HECW1: variants seen among roughly 807,000 people sequenced by gnomAD.
HECW1 encodes the protein E3 ubiquitin-protein ligase HECW1.
A neutral mutation model predicts 182.3 loss-of-function variants in HECW1; 61 were observed. The ratio of observed to expected loss-of-function variants is 0.33; its 90% CI spans 0.27 to 0.41. The LOEUF is 0.41. HECW1 is among the 10% of genes least tolerant of loss of function. The pLI, the probability that HECW1 is intolerant of heterozygous loss-of-function variation, is 1.00. For synonymous variants in HECW1, 859 were observed against 832.6 expected (o/e 1.03, Z -0.55); for missense variants, 1,739 against 2,108.9 (o/e 0.82, Z 3.44).
intron 29 of HECW1, among the ~76,000 whole-genome samples, chr7:43,556,460 G>A (rs2082025142): frequency 6.6e-6 from 1 of 152,190 alleles, no homozygotes; most frequent in African/African-American, 2.4e-5. Flanking sequence ...GCTAAGGCAG[G>A]CGGATAGCTT....
chr7:43,113,859 C>T (rs766965769), intron 1 of HECW1: 129 of 234,354 alleles, frequency 5.5e-4, no homozygotes, highest in Non-Finnish European at 8.7e-4. Flanking sequence ...TTTTCAGAGC[C>T]ATGATGCGCG....
At chr7:43,301,217 C>T (rs1055958371) in intron 3 of HECW1, among the ~76,000 whole-genome samples, 1 of 152,236 alleles carries the variant, frequency 6.6e-6, no homozygotes, top group African/African-American at 2.4e-5. Context: ...CTAAGAGGAG[C>T]TCTGCTGAAT....
intron 19 of HECW1, among the ~76,000 whole-genome samples, chr7:43,500,245 A>C (rs544861170): frequency 6.6e-6 from 1 of 152,166 alleles, no homozygotes; most frequent in South Asian, 2.1e-4. Context: ...GATTACAGGC[A>C]GGCAACACCA....
At chr7:43,321,925 C>T (rs1276676995) in intron 5 of HECW1, among the ~76,000 whole-genome samples, 1 of 152,200 alleles carries the variant, frequency 6.6e-6, no homozygotes, top group Admixed American at 6.5e-5. Flanking sequence ...ACACCAATAG[C>T]TCTTTCTTGT....
Position 43,479,745 on chromosome 7 carries a change from G to A in HECW1, c.3234+1G>A. The A allele has an allele frequency of 6.2e-7, 1 of 1,613,742 alleles. No individual in the cohort carries two copies. Among genetic ancestry groups the A allele is most frequent in the Non-Finnish European group, 8.5e-7 (1 of 1,179,846 alleles). On this transcript the variant is annotated splice_donor_variant, in intron 17 of 29. Coordinates refer to ENST00000395891, the MANE Select transcript of HECW1 (RefSeq NM_015052.5). LOFTEE classifies it high-confidence loss of function. Reference sequence around the variant, plus strand: ...GCTCCGAAGTTACAGCGCTGGAGAGGTAACCCTCCCTACACCCCGCCCTAC... The same window carrying A: ...GCTCCGAAGTTACAGCGCTGGAGAGATAACCCTCCCTACACCCCGCCCTAC...
intron 17 of HECW1, among the ~76,000 whole-genome samples, chr7:43,486,482 T>C (rs1397490696): frequency 6.6e-6 from 1 of 152,200 alleles, no homozygotes; most frequent in East Asian, 1.9e-4. Context: ...TTTGTATCTT[T>C]AGTAGAGACG....
At chr7:43,185,697 A>G (rs1260294229) in intron 2 of HECW1, among the ~76,000 whole-genome samples, 2 of 152,192 alleles carry the variant, frequency 1.3e-5, no homozygotes, top group Non-Finnish European at 2.9e-5. Flanking sequence ...TCTATATTTA[A>G]TAGTAGAATT....
intron 3 of HECW1, among the ~76,000 whole-genome samples, chr7:43,281,781 G>A (rs1293360750): frequency 2.9e-5 from 3 of 103,630 alleles, no homozygotes; most frequent in Non-Finnish European, 5.4e-5. Context: ...CTAGTCTCTT[G>A]TATTCCTGGC....
intron 16 of HECW1, among the ~76,000 whole-genome samples, chr7:43,471,486 CA>C (rs1229645820): frequency 2.0e-5 from 3 of 152,202 alleles, no homozygotes; most frequent in Non-Finnish European, 4.4e-5. Context: ...AAGGGATGGG[CA>C]GAGCTGTTTG....
chr7:43,356,981 A>C (rs1815227778), intron 5 of HECW1, among the ~76,000 whole-genome samples: 1 of 152,180 alleles, frequency 6.6e-6, no homozygotes, highest in Non-Finnish European at 1.5e-5. Flanking sequence ...CAACAGATGC[A>C]TGAAAAAAAT....
At chr7:43,266,678 A>T (rs1049393934) in intron 3 of HECW1, among the ~76,000 whole-genome samples, 1 of 152,332 alleles carries the variant, frequency 6.6e-6, no homozygotes, top group Non-Finnish European at 1.5e-5. Flanking sequence ...CTAGGAACAA[A>T]TAAAGACCAA....
chr7:43,330,722 C>G (rs1188515972), intron 5 of HECW1, among the ~76,000 whole-genome samples: 2 of 152,262 alleles, frequency 1.3e-5, no homozygotes, highest in African/African-American at 4.8e-5. Flanking sequence ...AGACTGTAGG[C>G]TGAAAGGTAT....
At chr7:43,411,633 C>T (rs1278618611) in intron 8 of HECW1, among the ~76,000 whole-genome samples, 2 of 152,110 alleles carry the variant, frequency 1.3e-5, no homozygotes, top group Non-Finnish European at 2.9e-5. Context: ...ATTCTGTCAA[C>T]TTTTGTTTCA....
intron 6 of HECW1, among the ~76,000 whole-genome samples, chr7:43,380,687 C>T (rs566599592): frequency 5.3e-5 from 8 of 152,058 alleles, no homozygotes; most frequent in Admixed American, 3.9e-4. Context: ...CCACCACACT[C>T]GGGTAATTTT....
chr7:43,113,184 C>T (rs1784768642), intron 1 of HECW1, among the ~76,000 whole-genome samples: 1 of 152,166 alleles, frequency 6.6e-6, no homozygotes, highest in African/African-American at 2.4e-5. Flanking sequence ...GCACCCGGCC[C>T]TCCTGCGGGG....
chr7:43,326,713 A>G (rs1303193083), intron 5 of HECW1, among the ~76,000 whole-genome samples: 2 of 152,200 alleles, frequency 1.3e-5, no homozygotes, highest in Non-Finnish European at 2.9e-5. Flanking sequence ...CTTGGTGACA[A>G]TTGAGACATG....
At chr7:43,438,179 G>A (rs774809581) in intron 9 of HECW1, 34 bp downstream of exon 9, 1 of 1,598,486 alleles carries the variant, frequency 6.3e-7, no homozygotes, top group East Asian at 2.3e-5. Context: ...CTATCACTAG[G>A]TTCCCACCAA....
intron 5 of HECW1, among the ~76,000 whole-genome samples, chr7:43,341,655 T>C (rs1813015161): frequency 6.6e-6 from 1 of 151,840 alleles, no homozygotes; most frequent in Non-Finnish European, 1.5e-5. Context: ...ATCTACTGTT[T>C]ATTAAACATT....
chr7:43,514,452 C>A (rs1161878629), intron 24 of HECW1, among the ~76,000 whole-genome samples: 3 of 152,038 alleles, frequency 2.0e-5, no homozygotes, highest in African/African-American at 4.8e-5. Context: ...CCACGCCCAG[C>A]TAATTTTTGT....
Sources: gnomAD v4.1 joint callset for allele counts (sites outside exome capture counted in the v4.1 genomes callset) on GRCh38, gnomAD v4.1.1 for gene constraint, MANE v1.5 for transcripts, NCBI Gene and HGNC (gene_info 2026-07-23, HGNC 2026-07-21) for gene names.